The following BDNF variants were observed in gnomAD, a reference collection of about 807,000 sequenced individuals.
The protein encoded by BDNF is brain derived neurotrophic factor.
BDNF carries 1 observed loss-of-function variant against 19.5 expected under a neutral mutation model. That is an observed-to-expected ratio of 0.05 (90% CI 0.02 to 0.24). The LOEUF (loss-of-function observed/expected upper bound fraction) is 0.24, where lower values mean the gene tolerates loss of function less well. BDNF is among the 10% of genes least tolerant of loss of function. BDNF has a pLI of 1.00. For synonymous variants in BDNF, 100 were observed against 121.6 expected (o/e 0.82, Z 1.17); for missense variants, 195 against 317.6 (o/e 0.61, Z 2.93).
chr11:27,658,394 T>G lies in BDNF; in HGVS notation c.171A>C (p.Thr57=). The change falls in exon 2 of 2, where the codon ACA becomes ACC. Residue 57 remains threonine (T), a synonymous_variant. Coordinates refer to ENST00000356660, the MANE Select transcript of BDNF (RefSeq NM_001709.5). The surrounding 1 kb of genome is among the most constrained non-coding windows in gnomAD (Gnocchi z 5.7). Reference sequence around the variant, plus strand: ...CGTGTTCGAAAGTGTCAGCCAATGATGTCAAGCCTCTTGAACCTGCCTTGG... The same window carrying G: ...CGTGTTCGAAAGTGTCAGCCAATGAGGTCAAGCCTCTTGAACCTGCCTTGG... ...NGPKAGSRGL[T]SLADTFEHVI... 6.2e-7 allele frequency: 1 copy of G among 1,614,212 alleles called. No individual in the cohort carries two copies. The highest frequency in any genetic ancestry group is 1.1e-5 in the South Asian group (1 of 91,090).
intron 1 of BDNF, among the ~76,000 whole-genome samples, chr11:27,699,066 C>T (rs1439291185): frequency 2.0e-5 from 3 of 151,970 alleles, no homozygotes; most frequent in Non-Finnish European, 4.4e-5. Flanking sequence ...TCCCGCAAAA[C>T]CTTCCTTTAC....
rs1859722066 is a variant in BDNF, at chr11:27,700,056, A to T, written c.-22+108T>A. ...TCCCTTCTACCGGAGGGGAGGAAAGAAGGAGACTGGCCTCGTCCCACAACT... is the reference window on the plus strand; with the variant it reads ...TCCCTTCTACCGGAGGGGAGGAAAGTAGGAGACTGGCCTCGTCCCACAACT... On this transcript the variant is annotated intron_variant, in intron 1 of 1. Coordinates refer to ENST00000356660, the MANE Select transcript of BDNF (RefSeq NM_001709.5). 2.1e-6 allele frequency: 2 copies of T among 946,796 alleles called. 1 individual carries two copies. The highest frequency in any genetic ancestry group is 2.3e-4 in the East Asian group (2 of 8,616). 58.6% of individuals were successfully genotyped at this position (946,796 alleles called of 1,614,324 possible). A position where few individuals can be genotyped will look rare whatever the true frequency, so the allele number is the denominator to read the frequency against.
intron 1 of BDNF, among the ~76,000 whole-genome samples, chr11:27,714,878 C>T (rs773739346): frequency 1.2e-4 from 19 of 152,040 alleles, no homozygotes; most frequent in Admixed American, 6.6e-4. Flanking sequence ...TACTGACAAG[C>T]GGTTGGAAGT....
chr11:27,666,537 T>C (rs1429078195), intron 1 of BDNF, among the ~76,000 whole-genome samples: 1 of 152,144 alleles, frequency 6.6e-6, no homozygotes, highest in East Asian at 1.9e-4. Flanking sequence ...GAAAAAACAT[T>C]AGACGAATGG....
At chr11:27,672,074 T>C (rs1237370515) in intron 1 of BDNF, among the ~76,000 whole-genome samples, 2 of 152,210 alleles carry the variant, frequency 1.3e-5, no homozygotes, top group African/African-American at 4.8e-5. Flanking sequence ...TTGTAATTTA[T>C]GTGGGAAAAT....
At chr11:27,665,020 AAC>A (rs1854077119) in intron 1 of BDNF, among the ~76,000 whole-genome samples, 2 of 152,340 alleles carry the variant, frequency 1.3e-5, no homozygotes, top group South Asian at 4.1e-4. Context: ...TTTTTTAAAA[AAC>A]AGTTTTTTGT....
chr11:27,716,066 A>T (rs1315601345), intron 1 of BDNF, among the ~76,000 whole-genome samples: 2 of 152,212 alleles, frequency 1.3e-5, no homozygotes, highest in Admixed American at 6.5e-5. Flanking sequence ...TAAAGAATTC[A>T]TCCTTCCCTC....
At chr11:27,671,804 C>G (rs1194546273) in intron 1 of BDNF, among the ~76,000 whole-genome samples, 2 of 152,062 alleles carry the variant, frequency 1.3e-5, no homozygotes, top group Non-Finnish European at 2.9e-5. Context: ...CACCCTCATT[C>G]CACCTACCCC....
intron 1 of BDNF, among the ~76,000 whole-genome samples, chr11:27,680,767 G>T (rs1349693531): frequency 6.6e-6 from 1 of 152,102 alleles, no homozygotes; most frequent in African/African-American, 2.4e-5. Flanking sequence ...CTGGGATAAG[G>T]ACTATATCTC....
intron 1 of BDNF, chr11:27,674,109 T>C: frequency 6.2e-7 from 1 of 1,611,944 alleles, no homozygotes; most frequent in Non-Finnish European, 8.5e-7. Flanking sequence ...CACTGAAACG[T>C]GGAGGTACAC....
chr11:27,659,200 T>G, intron 1 of BDNF: 1 of 997,548 alleles, frequency 1.0e-6, no homozygotes, highest in Non-Finnish European at 1.2e-6. Context: ...AGAAGAAAGA[T>G]AATTTCATTG....
chr11:27,663,758 A>G (rs995562962), intron 1 of BDNF, among the ~76,000 whole-genome samples: 3 of 152,198 alleles, frequency 2.0e-5, no homozygotes, highest in Admixed American at 2.0e-4. Flanking sequence ...TGGCTGTGAC[A>G]ACGAAGGAGC....
chr11:27,701,275 G>A (rs765931005), upstream of BDNF: 70 of 1,127,454 alleles, frequency 6.2e-5, no homozygotes, highest in Non-Finnish European at 7.7e-5. Context: ...AACGGAAAGA[G>A]AAAGAAAGAA....
At chr11:27,699,847 G>A (rs923670900) in intron 1 of BDNF, among the ~76,000 whole-genome samples, 1 of 152,108 alleles carries the variant, frequency 6.6e-6, no homozygotes, top group African/African-American at 2.4e-5. Flanking sequence ...CTCCTGGGCT[G>A]GGGGAGGGCT....
At chr11:27,659,013 G>A in intron 1 of BDNF, 1 of 1,084,042 alleles carries the variant, frequency 9.2e-7, no homozygotes, top group Non-Finnish European at 1.1e-6. Context: ...TTAGCAACAT[G>A]GTCCTTTGCA....
Position 27,721,063 on chromosome 11 carries a change from A to G in BDNF, c.3+349T>C, listed in dbSNP as rs558873830. Reference sequence around the variant, plus strand: ...TTTAGATGGAAATTAACCCCCTTGCAAATGTCAATTACATGCCCACATATA... The same window carrying G: ...TTTAGATGGAAATTAACCCCCTTGCGAATGTCAATTACATGCCCACATATA... On this transcript the variant is annotated intron_variant, in intron 1 of 1. Coordinates refer to the BDNF transcript ENST00000314915. Among the ~76,000 whole-genome samples the G allele has an allele frequency of 1.0e-4, 15 of 148,410 alleles. No individual in the cohort carries two copies. In the South Asian group the frequency reaches 3.2e-3, roughly 32 times the overall value.
intron 1 of BDNF, chr11:27,721,346 A>G (rs2134120040): frequency 6.3e-7 from 1 of 1,578,826 alleles, no homozygotes; most frequent in Non-Finnish European, 8.7e-7. Context: ...AAGAGCCGTG[A>G]TATGCCCGTT....
chr11:27,702,419 T>A (rs1006747525), upstream of BDNF, among the ~76,000 whole-genome samples: 1 of 152,162 alleles, frequency 6.6e-6, no homozygotes, highest in Non-Finnish European at 1.5e-5. Flanking sequence ...GGTACAACAC[T>A]GGGTATCAGA....
chr11:27,667,209 G>A (rs1234652788), intron 1 of BDNF, among the ~76,000 whole-genome samples: 4 of 151,320 alleles, frequency 2.6e-5, no homozygotes, highest in East Asian at 4.0e-4. Flanking sequence ...TTACAGACAA[G>A]CAAATGCTGA....
Sources: gnomAD v4.1 joint callset for allele counts (sites outside exome capture counted in the v4.1 genomes callset) on GRCh38, gnomAD v4.1.1 for gene constraint, Gnocchi (gnomAD v3.1) non-coding constraint, MANE v1.5 for transcripts, NCBI Gene and HGNC (gene_info 2026-07-23, HGNC 2026-07-21) for gene names.